Variants in FAM168A observed in about 807,000 individuals in gnomAD.
FAM168A encodes protein FAM168A.
Under a neutral mutation model 28.5 loss-of-function variants are expected in FAM168A, and 3 were observed. The observed-to-expected ratio is 0.11, with a 90% CI of 0.05 to 0.27. The LOEUF (loss-of-function observed/expected upper bound fraction) is 0.27. FAM168A is among the 10% of genes least tolerant of loss of function. FAM168A has a pLI of 1.00. For missense variants in FAM168A, 222 were observed against 311.5 expected (o/e 0.71, Z 2.16); for synonymous variants, 122 against 124.2 (o/e 0.98, Z 0.12).
At chr11:73,430,255 TGTGTGTGTGTGTGTGTCCCAAG>T (rs954417509) in intron 3 of FAM168A, 1 of 162,012 alleles carries the variant, frequency 6.2e-6, no homozygotes, top group Non-Finnish European at 1.3e-5. Flanking sequence ...CATGTGTGTG[TGTGTGTGTGTGTGTGTCCCAAG>T]GTGTGTGTGT....
At chr11:73,509,786 G>A (rs1220183648) in intron 1 of FAM168A, among the ~76,000 whole-genome samples, 1 of 152,064 alleles carries the variant, frequency 6.6e-6, no homozygotes, top group Non-Finnish European at 1.5e-5. Context: ...TGTATAAAGA[G>A]GAAGAGAAGT....
intron 1 of FAM168A, among the ~76,000 whole-genome samples, chr11:73,544,968 A>AC (rs1943719028): frequency 3.3e-5 from 3 of 89,928 alleles, no homozygotes; most frequent in African/African-American, 1.2e-4. Context: ...TATATAATAT[A>AC]TATTATATAA....
In FAM168A at chr11:73,419,195, C is replaced by A. The variant is rs150677256; in HGVS notation, c.277+679G>T. Among the ~76,000 whole-genome samples, 17 of 152,270 alleles carry A rather than the reference C, an allele frequency of 1.1e-4. No homozygotes were observed. In the East Asian group the frequency reaches 3.3e-3, roughly 29 times the overall value. ...AAATTAGATGTGACGGTGACAACAT[C>A]AGTTACCCTACTGAGCCTCAGGATG... is the stretch of plus-strand genomic sequence containing the variant. On this transcript the variant is annotated intron_variant, in intron 4 of 7. Transcript: ENST00000356467.
intron 1 of FAM168A, among the ~76,000 whole-genome samples, chr11:73,563,431 T>C (rs1943982406): frequency 6.6e-6 from 1 of 152,220 alleles, no homozygotes; most frequent in Non-Finnish European, 1.5e-5. Context: ...CAATAAACTG[T>C]AGCTGCTATT....
chr11:73,404,783 A>G lies in FAM168A; in HGVS notation c.*1980T>C, dbSNP rs529372772. On this transcript the variant is annotated 3_prime_UTR_variant, in exon 8 of 8. Coordinates refer to ENST00000356467, the MANE Select transcript of FAM168A (RefSeq NM_015159.3). ...CTCCTTCCAACCCAAGGGTTTCCTGATTTTTCCCTCCCTTAGGGAGACATG... is the reference window on the plus strand; with the variant it reads ...CTCCTTCCAACCCAAGGGTTTCCTGGTTTTTCCCTCCCTTAGGGAGACATG... The G allele has an allele frequency of 6.6e-6, 1 of 152,314 alleles. No individual in the cohort carries two copies. The highest frequency in any genetic ancestry group is 2.1e-4 in the South Asian group (1 of 4,828). 9.4% of individuals were successfully genotyped at this position (152,314 alleles called of 1,614,324 possible).
intron 2 of FAM168A, among the ~76,000 whole-genome samples, chr11:73,450,750 C>A (rs1867412999): frequency 6.6e-6 from 1 of 151,454 alleles, no homozygotes; most frequent in African/African-American, 2.4e-5. Context: ...CCTGAATGCT[C>A]AGAACATAGG....
At chr11:73,563,615 A>C (rs974415228) in intron 1 of FAM168A, among the ~76,000 whole-genome samples, 1 of 152,184 alleles carries the variant, frequency 6.6e-6, no homozygotes, top group Admixed American at 6.5e-5. Flanking sequence ...TTAAATGGTC[A>C]ATTGTTTGGT....
chr11:73,462,584 T>C (rs940861953), intron 2 of FAM168A, among the ~76,000 whole-genome samples: 1 of 152,052 alleles, frequency 6.6e-6, no homozygotes, highest in Admixed American at 6.6e-5. Flanking sequence ...CACACAAAAA[T>C]GGTTAAGATG....
intron 2 of FAM168A, among the ~76,000 whole-genome samples, chr11:73,455,381 G>GC (rs1468462597): frequency 6.6e-6 from 1 of 152,252 alleles, no homozygotes; most frequent in Non-Finnish European, 1.5e-5. Flanking sequence ...AGGCACCCCT[G>GC]TCGCAAGTCC....
intron 3 of FAM168A, among the ~76,000 whole-genome samples, chr11:73,427,842 A>G (rs937258773): frequency 6.6e-6 from 1 of 152,152 alleles, no homozygotes; most frequent in African/African-American, 2.4e-5. Context: ...TGGGGATGAG[A>G]GCCTGGACAA....
At chr11:73,535,418 CTTTTT>C (rs557433454) in intron 1 of FAM168A, among the ~76,000 whole-genome samples, 1 of 132,286 alleles carries the variant, frequency 7.6e-6, no homozygotes. Flanking sequence ...TTCTTTCTTT[CTTTTT>C]TTTTTTTTTT....
chr11:73,448,947 CT>C (rs1867375233), intron 2 of FAM168A, among the ~76,000 whole-genome samples: 1 of 151,530 alleles, frequency 6.6e-6, no homozygotes, highest in African/African-American at 2.4e-5. Flanking sequence ...TTGTTTTTTT[CT>C]CTCTCTCTCT....
chr11:73,446,514 A>G (rs1450077776), intron 2 of FAM168A, among the ~76,000 whole-genome samples: 3 of 152,232 alleles, frequency 2.0e-5, no homozygotes, highest in African/African-American at 7.2e-5. Context: ...GGTCTCTGAC[A>G]CACACTCTGG....
chr11:73,570,152 A>C (rs963259984), intron 1 of FAM168A, among the ~76,000 whole-genome samples: 2 of 152,230 alleles, frequency 1.3e-5, no homozygotes, highest in African/African-American at 4.8e-5. Context: ...GGTTAAGTAC[A>C]TAGCTCTGAA....
At chr11:73,464,932 T>C (rs1026144663) in intron 2 of FAM168A, among the ~76,000 whole-genome samples, 1 of 151,798 alleles carries the variant, frequency 6.6e-6, no homozygotes, top group Non-Finnish European at 1.5e-5. Context: ...TGATGTCATA[T>C]AGCTCTTAAG....
chr11:73,501,404 ACATGG>A (rs1232544038), intron 1 of FAM168A, among the ~76,000 whole-genome samples: 1 of 152,250 alleles, frequency 6.6e-6, no homozygotes, highest in African/African-American at 2.4e-5. Context: ...TCTCAGTGCC[ACATGG>A]CACTTATTCT....
chr11:73,448,857 T>C (rs1352165113), intron 2 of FAM168A, among the ~76,000 whole-genome samples: 1 of 152,230 alleles, frequency 6.6e-6, no homozygotes, highest in African/African-American at 2.4e-5. Flanking sequence ...CAATGTCACC[T>C]GCCACTGACC....
chr11:73,484,517 G>GAGAT (rs1565265626), intron 1 of FAM168A, among the ~76,000 whole-genome samples: 44 of 137,266 alleles, frequency 3.2e-4, no homozygotes, highest in African/African-American at 1.1e-3. Flanking sequence ...GATATATATA[G>GAGAT]ATATATATAT....
chr11:73,590,764 T>C (rs954944850), intron 1 of FAM168A, among the ~76,000 whole-genome samples: 1 of 152,112 alleles, frequency 6.6e-6, no homozygotes, highest in Non-Finnish European at 1.5e-5. Flanking sequence ...TGGTCGAGAG[T>C]AGAACTGACA....
Sources: gnomAD v4.1 joint callset for allele counts (sites outside exome capture counted in the v4.1 genomes callset) on GRCh38, gnomAD v4.1.1 for gene constraint, MANE v1.5 for transcripts, NCBI Gene and HGNC (gene_info 2026-07-23, HGNC 2026-07-21) for gene names.